The following PCDHGA7 variants were observed in gnomAD, a reference collection of about 807,000 sequenced individuals.
The protein encoded by PCDHGA7 is protocadherin gamma-A7.
Under a neutral mutation model 58.3 loss-of-function variants are expected in PCDHGA7, and 44 were observed. The ratio of observed to expected loss-of-function variants is 0.75; its 90% CI spans 0.59 to 0.97. The LOEUF is 0.97. Among genes scored for constraint, PCDHGA7 ranks in the 50% least tolerant of loss-of-function variants. The probability of loss-of-function intolerance (pLI) is 0.00; values close to 1 mark genes in which losing one functional copy is unlikely to be tolerated. For missense variants in PCDHGA7, 1,266 were observed against 1,188.7 expected (o/e 1.06, Z -0.96); for synonymous variants, 516 against 504.2 (o/e 1.02, Z -0.31).
At chr5:141,402,434 A>C (rs2150931474) in intron 1 of PCDHGA7, among the ~76,000 whole-genome samples, 1 of 152,272 alleles carries the variant, frequency 6.6e-6, no homozygotes, top group East Asian at 1.9e-4. Flanking sequence ...AAGCATCATA[A>C]AAAGGAAATT....
At chr5:141,462,584 A>C (rs959398950) in intron 1 of PCDHGA7, among the ~76,000 whole-genome samples, 1 of 152,124 alleles carries the variant, frequency 6.6e-6, no homozygotes, top group African/African-American at 2.4e-5. Context: ...CATCCAGTGA[A>C]GTTTCCATTT....
intron 2 of PCDHGA7, among the ~76,000 whole-genome samples, chr5:141,502,989 G>A (rs140974023): frequency 0.024 from 3,652 of 150,590 alleles, 56 homozygotes; most frequent in East Asian, 0.043. Context: ...GATTACAGGC[G>A]TGTGCCACCA....
At chr5:141,421,164 A>C (rs1304650780) in intron 1 of PCDHGA7, 9 of 1,286,298 alleles carry the variant, frequency 7.0e-6, no homozygotes, top group Non-Finnish European at 9.4e-6. Context: ...GACTTCATAG[A>C]TACATAAGCC....
rs936419038 is a variant in PCDHGA7 at position 141,493,313 on chromosome 5, G to T, written c.2425-1494G>T. On this transcript the variant is annotated intron_variant, in intron 1 of 3. Transcript: ENST00000518325. This position sits in a 1 kb window ranked among gnomAD's most constrained non-coding sequence, Gnocchi z 4.3. ...TCAAGTTCACAGAGCAAGTAAGAGA[G>T]ATTCTAACCCCTGTCTAACTCCAGA... Among the ~76,000 whole-genome samples, 4 of 152,214 alleles carry T rather than the reference G, an allele frequency of 2.6e-5. No individual in the cohort carries two copies. Among genetic ancestry groups the T allele is most frequent in the Non-Finnish European group, 4.4e-5 (3 of 68,040 alleles).
intron 1 of PCDHGA7, chr5:141,417,651 A>G (rs2154547111): frequency 1.2e-6 from 1 of 822,038 alleles, no homozygotes; most frequent in Non-Finnish European, 1.8e-6. Flanking sequence ...CTCAGCCTCT[A>G]GCCTGGGATT....
intron 1 of PCDHGA7, among the ~76,000 whole-genome samples, chr5:141,456,584 A>G (rs990911693): frequency 6.6e-6 from 1 of 152,212 alleles, no homozygotes; most frequent in Non-Finnish European, 1.5e-5. Flanking sequence ...TGAGCCTGTC[A>G]ATAATTTTGA....
chr5:141,505,618 A>G, intron 3 of PCDHGA7, 137 bp downstream of exon 3: 6 of 1,496,136 alleles, frequency 4.0e-6, no homozygotes, highest in Non-Finnish European at 5.4e-6. Flanking sequence ...GAAAGGACCC[A>G]CAATTCCAAA....
intron 1 of PCDHGA7, among the ~76,000 whole-genome samples, chr5:141,464,921 G>A (rs1562002597): frequency 6.6e-6 from 1 of 151,106 alleles, no homozygotes; most frequent in Non-Finnish European, 1.5e-5. Flanking sequence ...TTATTTTTTT[G>A]TAGAGATGTG....
chr5:141,384,552 C>T lies in PCDHGA7; in HGVS notation c.1653C>T (p.Phe551=), dbSNP rs752995629. 3.7e-6 allele frequency: 6 copies of T among 1,614,148 alleles called. No individual in the cohort carries two copies. The highest frequency in any genetic ancestry group is 3.3e-5 in the Admixed American group (2 of 60,018). Residue 551 remains phenylalanine, a synonymous_variant, in exon 1 of 4, where the codon TTC becomes TTT. Transcript: ENST00000518325. The part of the protein sequence containing the change: ...PLSSNMSLSL[F]VLDQNDNPPE... ...GCAGCAACATGTCACTGAGCCTGTTCGTGCTGGACCAGAATGACAACCCGC... is the reference window on the plus strand; with the variant it reads ...GCAGCAACATGTCACTGAGCCTGTTTGTGCTGGACCAGAATGACAACCCGC...
chr5:141,410,778 G>T, intron 1 of PCDHGA7: 3 of 818,726 alleles, frequency 3.7e-6, no homozygotes, highest in Non-Finnish European at 3.4e-6. Flanking sequence ...TTTTCACTAT[G>T]TATTTGGTTC....
intron 1 of PCDHGA7, chr5:141,414,822 C>A: frequency 6.2e-7 from 1 of 1,614,240 alleles, no homozygotes; most frequent in Non-Finnish European, 8.5e-7. Context: ...TCAGCAGCAA[C>A]GTGTCGTTGA....
chr5:141,385,363 T>G lies in PCDHGA7; in HGVS notation c.2424+40T>G, dbSNP rs533363868. The G allele has an allele frequency of 5.7e-5, 88 of 1,539,980 alleles. No individual in the cohort carries two copies. The South Asian group carries it at 1.1e-3, about 19-fold the overall frequency. The stretch of plus-strand genomic sequence containing the variant: ...TCCTTTATTTCCATGAGGAATTTAT[T>G]TGCATGATATTTCTCTATTATTTTG... On this transcript the variant is annotated intron_variant, in intron 1 of 3. Transcript: ENST00000518325.
chr5:141,388,906 A>ACG (rs890479246), intron 1 of PCDHGA7: 2 of 1,614,016 alleles, frequency 1.2e-6, no homozygotes, highest in Admixed American at 3.3e-5. Flanking sequence ...GAAAATGACA[A>ACG]CGCCCCAGAA....
chr5:141,413,835 CG>C, intron 1 of PCDHGA7: 2 of 1,613,258 alleles, frequency 1.2e-6, no homozygotes, highest in South Asian at 1.1e-5. Context: ...CCGCCTCCGA[CG>C]GGGGTGACCC....
chr5:141,423,895 G>T, intron 1 of PCDHGA7: 1 of 1,277,758 alleles, frequency 7.8e-7, no homozygotes, highest in Non-Finnish European at 9.9e-7. Flanking sequence ...ATTTTCTTTT[G>T]ATTTCAAAGG....
chr5:141,477,191 A>C lies in PCDHGA7; in HGVS notation c.2425-17616A>C. 1 of 1,614,210 alleles carries C rather than the reference A, an allele frequency of 6.2e-7. No individual in the cohort carries two copies. The highest frequency in any genetic ancestry group is 1.1e-5 in the South Asian group (1 of 91,086). ...GGAGATCACAGTCACCTCCGTGTAC[A>C]GCCCAGTACCCGAGGATGCCCCTCT... On this transcript the variant is annotated intron_variant, in intron 1 of 3. Coordinates refer to ENST00000518325, the MANE Select transcript of PCDHGA7 (RefSeq NM_018920.4). This position sits in a 1 kb window ranked among gnomAD's most constrained non-coding sequence, Gnocchi z 4.9.
chr5:141,486,019 T>C lies in PCDHGA7; in HGVS notation c.2425-8788T>C, dbSNP rs2078071. 3.2e-3 allele frequency: 5,143 copies of C among 1,613,986 alleles called. 141 individuals carry two copies. In the South Asian group the frequency reaches 0.046, roughly 14 times the overall value. ...GTGGTAACGTCACCTTTTATTTCAG[T>C]GGTCATACCCCTGATCGTGTAAGAA... On this transcript the variant is annotated intron_variant, in intron 1 of 3. Transcript: ENST00000518325. The surrounding 1 kb of genome is among the most constrained non-coding windows in gnomAD (Gnocchi z 5.0).
At position 141,432,032 on chromosome 5, in the gene PCDHGA7, A is replaced by G; in HGVS notation, c.2424+46709A>G. On this transcript the variant is annotated intron_variant, in intron 1 of 3. Coordinates refer to ENST00000518325, the MANE Select transcript of PCDHGA7 (RefSeq NM_018920.4). The surrounding 1 kb of genome is among the most constrained non-coding windows in gnomAD (Gnocchi z 6.0). ...TAGCTACAACATCACAGTGACCGCC[A>G]CTGACCGGGGAACCCCGCCCCTATC... 2 of 1,614,242 alleles carry G rather than the reference A, an allele frequency of 1.2e-6. No homozygotes were observed. Among genetic ancestry groups the G allele is most frequent in the South Asian group, 1.1e-5 (1 of 91,086 alleles).
chr5:141,390,222 G>C (rs758225583), intron 1 of PCDHGA7: 2 of 1,614,022 alleles, frequency 1.2e-6, no homozygotes, highest in Admixed American at 3.3e-5. Context: ...CATACTTTGC[G>C]GTGATTCATC....
Sources: allele counts gnomAD v4.1 joint callset (sites outside exome capture counted in the v4.1 genomes callset), GRCh38; gene constraint gnomAD v4.1.1; non-coding constraint Gnocchi (gnomAD v3.1); transcripts MANE v1.5; gene names NCBI Gene and HGNC (gene_info 2026-07-23, HGNC 2026-07-21).